The following CMTM8 variants were observed in gnomAD, a reference collection of about 807,000 sequenced individuals.
CMTM8 encodes the protein CKLF like MARVEL transmembrane domain containing 8.
CMTM8 carries 12 observed loss-of-function variants against 18.6 expected under a neutral mutation model. The observed-to-expected ratio is 0.65, with a 90% CI of 0.41 to 1.05. CMTM8 has a LOEUF of 1.05. CMTM8 is among the 50% of genes least tolerant of loss of function. CMTM8 has a pLI of 0.00. For synonymous variants in CMTM8, 87 were observed against 90.6 expected, an observed-to-expected ratio of 0.96 and a Z score of 0.23; for missense variants, 217 against 227.2, an observed-to-expected ratio of 0.95 and a Z score of 0.29.
rs555573506 is a variant in CMTM8, at chr3:32,367,733, C to T, written c.322-139C>T. The T allele has an allele frequency of 3.7e-5, 22 of 602,584 alleles. No individual in the cohort carries two copies. In the East Asian group the frequency reaches 5.8e-4, roughly 16 times the overall value. 37.3% of individuals were successfully genotyped at this position (602,584 alleles called of 1,614,324 possible). A position where few individuals can be genotyped will look rare whatever the true frequency, so the allele number is the denominator to read the frequency against. ...TCTCGCACTTAGAGCTGCCTTCCCA[C>T]AGCCTTCTCCCCCACCCTCCCACAG... On this transcript the variant is annotated intron_variant, in intron 2 of 3. Transcript: ENST00000307526.
chr3:32,348,542 T>TTTTTTTTTTTTGA (rs1696646053), intron 1 of CMTM8, among the ~76,000 whole-genome samples: 1 of 149,982 alleles, frequency 6.7e-6, no homozygotes, highest in African/African-American at 2.4e-5. Flanking sequence ...TTTTTTTTTT[T>TTTTTTTTTTTTGA]GGAGACAAGA....
intron 1 of CMTM8, among the ~76,000 whole-genome samples, chr3:32,272,496 A>G (rs1218064744): frequency 8.5e-5 from 13 of 152,176 alleles, no homozygotes; most frequent in African/African-American, 2.9e-4. Flanking sequence ...TTAAACTGAT[A>G]ATTTTCAACT....
At chr3:32,353,067 C>T (rs1696744788) in intron 1 of CMTM8, among the ~76,000 whole-genome samples, 1 of 152,194 alleles carries the variant, frequency 6.6e-6, no homozygotes, top group Non-Finnish European at 1.5e-5. Context: ...AATCTCAGCT[C>T]ACTGCAACCT....
chr3:32,360,924 T>C (rs891727305), intron 2 of CMTM8, among the ~76,000 whole-genome samples: 1 of 152,204 alleles, frequency 6.6e-6, no homozygotes, highest in Non-Finnish European at 1.5e-5. Context: ...GGTTTAAAAA[T>C]AGTTATAGAT....
At chr3:32,292,898 G>T (rs1371560829) in intron 1 of CMTM8, among the ~76,000 whole-genome samples, 4 of 152,106 alleles carry the variant, frequency 2.6e-5, no homozygotes, top group African/African-American at 9.7e-5. Context: ...CGTGCATTTT[G>T]ATTTTCACCC....
At chr3:32,294,544 C>G (rs1408659134) in intron 1 of CMTM8, among the ~76,000 whole-genome samples, 1 of 152,174 alleles carries the variant, frequency 6.6e-6, no homozygotes, top group East Asian at 1.9e-4. Flanking sequence ...CTTACTATCT[C>G]TGGATCCTTG....
intron 1 of CMTM8, among the ~76,000 whole-genome samples, chr3:32,304,381 T>C (rs186041033): frequency 3.0e-4 from 45 of 152,322 alleles, no homozygotes; most frequent in African/African-American, 5.8e-4. Flanking sequence ...TTCTCAGCTG[T>C]ACTTTGATTT....
In CMTM8 at chr3:32,263,545, C is replaced by T. The variant is rs924351122; in HGVS notation, c.147+24426C>T. 1.9e-3 allele frequency among the ~76,000 whole-genome samples: 294 copies of T among 152,202 alleles called. 6 individuals are homozygous for T. Among genetic ancestry groups the T allele is most frequent in the Admixed American group, 0.019 (290 of 15,272 alleles). Reference sequence around the variant, plus strand: ...GAAAATTCTAAAAATCAGAGCGCCTCTCCTCCTCCAAAGGAACGCAGCTCC... The same window carrying T: ...GAAAATTCTAAAAATCAGAGCGCCTTTCCTCCTCCAAAGGAACGCAGCTCC... On this transcript the variant is annotated intron_variant, in intron 1 of 3. Transcript: ENST00000307526.
At chr3:32,256,250 G>A (rs1413432056) in intron 1 of CMTM8, among the ~76,000 whole-genome samples, 1 of 151,494 alleles carries the variant, frequency 6.6e-6, no homozygotes, top group South Asian at 2.1e-4. Flanking sequence ...TTTATTTTTT[G>A]TAGAGATAGG....
At chr3:32,331,770 T>TA (rs1178274552) in intron 1 of CMTM8, among the ~76,000 whole-genome samples, 1 of 152,156 alleles carries the variant, frequency 6.6e-6, no homozygotes, top group East Asian at 1.9e-4. Flanking sequence ...CTAAGTGAAA[T>TA]AAGCCAGTCA....
At chr3:32,275,184 GT>G (rs79212812) in intron 1 of CMTM8, among the ~76,000 whole-genome samples, 77 of 144,602 alleles carry the variant, frequency 5.3e-4, no homozygotes, top group African/African-American at 1.5e-3. Flanking sequence ...TGGGTGTTTG[GT>G]TTTTTTTTTT....
intron 1 of CMTM8, among the ~76,000 whole-genome samples, chr3:32,283,324 A>G (rs1468144764): frequency 2.6e-5 from 4 of 152,174 alleles, no homozygotes; most frequent in African/African-American, 9.7e-5. Context: ...ATCATGTTAT[A>G]ACGTGTCATA....
At chr3:32,325,598 C>A (rs1355276369) in intron 1 of CMTM8, among the ~76,000 whole-genome samples, 2 of 152,168 alleles carry the variant, frequency 1.3e-5, no homozygotes, top group Admixed American at 1.3e-4. Flanking sequence ...TAAGGCGAGG[C>A]CTGAAACTAC....
chr3:32,340,643 T>C (rs757086237), intron 1 of CMTM8, among the ~76,000 whole-genome samples: 2 of 152,248 alleles, frequency 1.3e-5, no homozygotes, highest in Non-Finnish European at 2.9e-5. Flanking sequence ...TATTTCAGGC[T>C]ATGTAGCCAG....
chr3:32,314,742 G>T (rs920879095), intron 1 of CMTM8, among the ~76,000 whole-genome samples: 2 of 152,136 alleles, frequency 1.3e-5, no homozygotes, highest in Non-Finnish European at 2.9e-5. Flanking sequence ...CTCCCAAAGT[G>T]CTTGGACTGC....
chr3:32,271,934 C>T (rs922658764), intron 1 of CMTM8, among the ~76,000 whole-genome samples: 3 of 152,176 alleles, frequency 2.0e-5, no homozygotes, highest in African/African-American at 7.2e-5. Flanking sequence ...ACAAATTAGG[C>T]ATTCTAGTTG....
intron 1 of CMTM8, among the ~76,000 whole-genome samples, chr3:32,338,776 T>C (rs1323990110): frequency 1.3e-5 from 2 of 152,242 alleles, no homozygotes; most frequent in Non-Finnish European, 2.9e-5. Context: ...ACATTTGTTA[T>C]CACTCACGGT....
At chr3:32,326,503 T>TTTTC (rs1432440961) in intron 1 of CMTM8, among the ~76,000 whole-genome samples, 4 of 148,668 alleles carry the variant, frequency 2.7e-5, no homozygotes, top group Non-Finnish European at 4.4e-5. Context: ...AGGTCCTGAC[T>TTTTC]TTTCTTTCTT....
intron 1 of CMTM8, among the ~76,000 whole-genome samples, chr3:32,263,404 G>T (rs910177433): frequency 6.6e-6 from 1 of 152,166 alleles, no homozygotes; most frequent in Non-Finnish European, 1.5e-5. Context: ...CTGTTAGAAG[G>T]AAAACTAACA....
Sources: gnomAD v4.1 joint callset for allele counts (sites outside exome capture counted in the v4.1 genomes callset) on GRCh38, gnomAD v4.1.1 for gene constraint, MANE v1.5 for transcripts, NCBI Gene and HGNC (gene_info 2026-07-23, HGNC 2026-07-21) for gene names.